Variants in ASCC3 observed in about 807,000 individuals in gnomAD.
ASCC3 encodes activating signal cointegrator 1 complex subunit 3.
A neutral mutation model predicts 256.3 loss-of-function variants in ASCC3; 158 were observed. The observed-to-expected ratio is 0.62, with a 90% CI of 0.54 to 0.70. The LOEUF (loss-of-function observed/expected upper bound fraction) is 0.70. Among genes scored for constraint, ASCC3 ranks in the 30% least tolerant of loss-of-function variants. The pLI is 0.00. For synonymous variants in ASCC3, 948 were observed against 883.4 expected, an observed-to-expected ratio of 1.07 and a Z score of -1.30; for missense variants, 2,259 against 2,626.0, an observed-to-expected ratio of 0.86 and a Z score of 3.05.
At chr6:100,610,562 T>C (rs1773342417) in intron 30 of ASCC3, among the ~76,000 whole-genome samples, 1 of 152,182 alleles carries the variant, frequency 6.6e-6, no homozygotes, top group Non-Finnish European at 1.5e-5. Context: ...CTAGGTGATA[T>C]TTTAATGACA....
chr6:100,712,657 G>A (rs1209757145), intron 13 of ASCC3, among the ~76,000 whole-genome samples: 6 of 151,866 alleles, frequency 4.0e-5, no homozygotes, highest in Non-Finnish European at 5.9e-5. Context: ...ATTCTCTAAT[G>A]GGTATGAAAA....
Position 100,848,374 on chromosome 6 carries a change from A to G in ASCC3, c.575T>C (p.Ile192Thr). ...LPINGETQKT[I>T]SLDYKKFLNE... ...CAGAAACTTCTTATAATCTAGGCTTATAGTTTTCTGAGTTTCACCATTTAT... is the reference window on the plus strand; with the variant it reads ...CAGAAACTTCTTATAATCTAGGCTTGTAGTTTTCTGAGTTTCACCATTTAT... Residue 192 changes from isoleucine (I) to threonine (T), a missense_variant, in exon 4 of 42, where the codon ATA (isoleucine) becomes ACA (threonine). By Grantham distance (89) the Ile-to-Thr change is moderately conservative. Transcript: ENST00000369162. 1.2e-6 allele frequency: 2 copies of G among 1,613,960 alleles called. No individual in the cohort carries two copies. The highest frequency in any genetic ancestry group is 1.7e-6 in the Non-Finnish European group (2 of 1,179,994).
chr6:100,643,915 A>G, intron 23 of ASCC3, 116 bp downstream of exon 23: 1 of 701,082 alleles, frequency 1.4e-6, no homozygotes, highest in Non-Finnish European at 2.4e-6. Context: ...AGGAAACTAA[A>G]ACATAAAATA....
chr6:100,696,232 T>C (rs1262624506), intron 13 of ASCC3, among the ~76,000 whole-genome samples: 3 of 152,232 alleles, frequency 2.0e-5, no homozygotes, highest in South Asian at 2.1e-4. Flanking sequence ...CACTTAAATA[T>C]GCTACTATGA....
intron 13 of ASCC3, among the ~76,000 whole-genome samples, chr6:100,709,577 T>C (rs1002516821): frequency 2.0e-5 from 3 of 152,182 alleles, no homozygotes; most frequent in African/African-American, 7.2e-5. Flanking sequence ...GAGACTTATA[T>C]GGTATCTGAA....
chr6:100,578,747 C>T (rs530582734), intron 36 of ASCC3, among the ~76,000 whole-genome samples: 6 of 152,048 alleles, frequency 3.9e-5, no homozygotes, highest in Admixed American at 2.6e-4. Flanking sequence ...TGTGTCTTTA[C>T]GGCAGAACAA....
intron 10 of ASCC3, among the ~76,000 whole-genome samples, chr6:100,765,547 C>T (rs1582829788): frequency 6.6e-6 from 1 of 152,156 alleles, no homozygotes; most frequent in Admixed American, 6.5e-5. Context: ...GTCCTGGAAG[C>T]CCCCACTTCA....
intron 36 of ASCC3, among the ~76,000 whole-genome samples, chr6:100,585,429 A>T (rs1289002980): frequency 6.6e-6 from 1 of 152,180 alleles, no homozygotes; most frequent in African/African-American, 2.4e-5. Flanking sequence ...TTTCAGCTCC[A>T]TCAGCTCCTT....
At chr6:100,794,281 G>A (rs751328527) in intron 8 of ASCC3, among the ~76,000 whole-genome samples, 3 of 151,990 alleles carry the variant, frequency 2.0e-5, no homozygotes, top group Non-Finnish European at 2.9e-5. Context: ...AGCCCTTCAT[G>A]TGCAGGCAAT....
At chr6:100,743,322 T>C (rs115075767) in intron 10 of ASCC3, among the ~76,000 whole-genome samples, 2,418 of 152,316 alleles carry the variant, frequency 0.016, 66 homozygotes, top group African/African-American at 0.055. Flanking sequence ...CTATTATCAC[T>C]TGCCCCTTTC....
At position 100,725,700 on chromosome 6, in the gene ASCC3, G is replaced by A. The variant is rs764192035; in HGVS notation, c.1741C>T (p.Leu581Phe). Residue 581 changes from leucine to phenylalanine, a missense_variant, in exon 11 of 42, where the codon CTT becomes TTT. Leu to Phe is a conservative substitution (Grantham distance 22, BLOSUM62 0). This residue lies in a region of ASCC3 where 1,839 missense variants were observed against 2,206.7 expected (regional missense o/e 0.83). Coordinates refer to ENST00000369162, the MANE Select transcript of ASCC3 (RefSeq NM_006828.4). Reference protein sequence around the residue: ...SKSEILRTQMLVTTPEKWDVV... With the variant: ...SKSEILRTQMFVTTPEKWDVV... Reference sequence around the variant, plus strand: ...TCCCATTTTTCTGGTGTGGTCACAAGCATCTATAAGAGAAGACACATTTTA... The same window carrying A: ...TCCCATTTTTCTGGTGTGGTCACAAACATCTATAAGAGAAGACACATTTTA... 6.2e-7 allele frequency: 1 copy of A among 1,612,192 alleles called. No homozygotes were observed.
chr6:100,874,869 A>G (rs1173373420), intron 1 of ASCC3, among the ~76,000 whole-genome samples: 3 of 152,204 alleles, frequency 2.0e-5, no homozygotes, highest in Non-Finnish European at 4.4e-5. Context: ...TTATTACAAG[A>G]GGTAAACTAT....
At chr6:100,645,379 T>C (rs1210230299) in intron 22 of ASCC3, among the ~76,000 whole-genome samples, 1 of 151,890 alleles carries the variant, frequency 6.6e-6, no homozygotes, top group Non-Finnish European at 1.5e-5. Context: ...ATAATGTTTA[T>C]AGCTGAGGAA....
At chr6:100,666,882 G>C (rs9386226) in intron 14 of ASCC3, among the ~76,000 whole-genome samples, 13,042 of 152,002 alleles carry the variant, frequency 0.086, 1,354 homozygotes, top group East Asian at 0.45. Context: ...AAGAATCAAA[G>C]AGAAGATCAA....
At chr6:100,590,251 T>C (rs1771934145) in intron 34 of ASCC3, among the ~76,000 whole-genome samples, 192 bp from the exon 35 acceptor site, 1 of 152,102 alleles carries the variant, frequency 6.6e-6, no homozygotes, top group South Asian at 2.1e-4. Context: ...CAGTCAATTA[T>C]TGTTCCCCTA....
In ASCC3 at chr6:100,516,714, A is replaced by G. The variant is rs886930544; in HGVS notation, c.5928-387T>C. On this transcript the variant is annotated intron_variant, in intron 38 of 41. Coordinates refer to ENST00000369162, the MANE Select transcript of ASCC3 (RefSeq NM_006828.4). ...AATTACTTAAATAAAGTTTTAAATTATAAGTTGTTGGGAACATAAAGTTAA... is the reference window on the plus strand; with the variant it reads ...AATTACTTAAATAAAGTTTTAAATTGTAAGTTGTTGGGAACATAAAGTTAA... 2.0e-5 allele frequency among the ~76,000 whole-genome samples: 3 copies of G among 152,210 alleles called. No individual in the cohort carries two copies. In the East Asian group the frequency reaches 5.8e-4, roughly 29 times the overall value.
At chr6:100,752,908 C>T (rs1257902941) in intron 10 of ASCC3, among the ~76,000 whole-genome samples, 1 of 151,976 alleles carries the variant, frequency 6.6e-6, no homozygotes, top group East Asian at 1.9e-4. Context: ...ATTTGATAAA[C>T]CCAAAATAAG....
intron 8 of ASCC3, among the ~76,000 whole-genome samples, chr6:100,794,368 C>T (rs556864203): frequency 2.3e-4 from 35 of 151,996 alleles, no homozygotes; most frequent in Non-Finnish European, 3.7e-4. Flanking sequence ...GCTTGATGTC[C>T]AAAGGTAACA....
chr6:100,560,748 A>AAC (rs747539213), intron 36 of ASCC3, among the ~76,000 whole-genome samples: 28,077 of 133,708 alleles, frequency 0.21, 2,854 homozygotes, highest in Middle Eastern at 0.3. Flanking sequence ...ATCTTAGAGG[A>AAC]ACACACACAC....
Sources: gnomAD v4.1 joint callset for allele counts (sites outside exome capture counted in the v4.1 genomes callset) on GRCh38, gnomAD v4.1.1 for gene constraint, gnomAD v4.1.1 regional missense constraint, MANE v1.5 for transcripts, NCBI Gene and HGNC (gene_info 2026-07-23, HGNC 2026-07-21) for gene names.